The following ZMAT4 variants were observed in gnomAD, a reference collection of about 807,000 sequenced individuals.
The protein encoded by ZMAT4 is zinc finger matrin-type 4, also known as zinc finger matrin-type protein 4.
Under a neutral mutation model 28.7 loss-of-function variants are expected in ZMAT4, and 17 were observed. The ratio of observed to expected loss-of-function variants is 0.59; its 90% CI spans 0.41 to 0.89. ZMAT4 has a LOEUF of 0.89. ZMAT4 is among the 40% of genes least tolerant of loss of function. The pLI is 0.00. For missense variants in ZMAT4, 240 were observed against 283.8 expected (o/e 0.85, Z 1.11); for synonymous variants, 117 against 109.2 (o/e 1.07, Z -0.44).
At chr8:40,715,293 T>A (rs1437432201) in intron 3 of ZMAT4, among the ~76,000 whole-genome samples, 3 of 151,678 alleles carry the variant, frequency 2.0e-5, no homozygotes, top group Non-Finnish European at 4.4e-5. Flanking sequence ...GATGGGGAAA[T>A]GATAACTACC....
intron 6 of ZMAT4, among the ~76,000 whole-genome samples, chr8:40,548,701 G>A (rs1803274589): frequency 1.3e-5 from 2 of 152,078 alleles, no homozygotes. Context: ...ACATCTGCTT[G>A]AAATGCAGTA....
chr8:40,845,667 A>G lies in ZMAT4; in HGVS notation c.-4-19987T>C, dbSNP rs149833337. Among the ~76,000 whole-genome samples, 145 of 152,026 alleles carry G rather than the reference A, an allele frequency of 9.5e-4. 2 individuals carry two copies. Among genetic ancestry groups the G allele is most frequent in the African/African-American group, 3.3e-3 (135 of 41,486 alleles). On this transcript the variant is annotated intron_variant, in intron 1 of 6. Transcript: ENST00000297737. ...AGAACCCCAAGAGACCACTGGGAAG[A>G]CACAGTGAAAACCTGTGTTTGCTGT...
intron 5 of ZMAT4, among the ~76,000 whole-genome samples, chr8:40,666,443 AT>A (rs1293857247): frequency 6.6e-6 from 1 of 152,166 alleles, no homozygotes; most frequent in Admixed American, 6.5e-5. Flanking sequence ...ATCTATAAAA[AT>A]AATTTTATTT....
intron 1 of ZMAT4, among the ~76,000 whole-genome samples, chr8:40,837,482 G>A (rs1203293372): frequency 6.6e-6 from 1 of 152,164 alleles, no homozygotes; most frequent in African/African-American, 2.4e-5. Flanking sequence ...AACTCTACTT[G>A]AACCTGAGTC....
At chr8:40,602,207 G>A (rs1482860001) in intron 5 of ZMAT4, among the ~76,000 whole-genome samples, 1 of 152,138 alleles carries the variant, frequency 6.6e-6, no homozygotes, top group Non-Finnish European at 1.5e-5. Context: ...TCGTTTTTAT[G>A]GCTGAGTAGT....
At chr8:40,627,111 A>G (rs929105608) in intron 5 of ZMAT4, among the ~76,000 whole-genome samples, 2 of 152,164 alleles carry the variant, frequency 1.3e-5, no homozygotes, top group Non-Finnish European at 1.5e-5. Flanking sequence ...TCAGCAAATG[A>G]TTATTGAACC....
At chr8:40,861,473 A>G (rs999082888) in intron 1 of ZMAT4, among the ~76,000 whole-genome samples, 1 of 152,228 alleles carries the variant, frequency 6.6e-6, no homozygotes, top group African/African-American at 2.4e-5. Context: ...TAAAAACCCT[A>G]GAAGAAAACC....
chr8:40,875,774 G>A (rs1441951161), intron 1 of ZMAT4, among the ~76,000 whole-genome samples: 1 of 152,130 alleles, frequency 6.6e-6, no homozygotes, highest in African/African-American at 2.4e-5. Context: ...GTAAGACGAT[G>A]GAGGAGGTCA....
rs530247544 is a variant in ZMAT4 at position 40,777,524 on chromosome 8, G to C, written c.103-9794C>G. On this transcript the variant is annotated intron_variant, in intron 2 of 6. Transcript: ENST00000297737. ...TTCCTACCGAAAGCACTGGTGGAGT[G>C]GTGTTAGCTACATCCCTGAGTGTTG... Among the ~76,000 whole-genome samples, 5 of 152,362 alleles carry C rather than the reference G, an allele frequency of 3.3e-5. No individual in the cohort carries two copies. The South Asian group carries it at 6.2e-4, about 19-fold the overall frequency.
At chr8:40,891,049 G>A (rs111647819) in intron 1 of ZMAT4, among the ~76,000 whole-genome samples, 2,902 of 150,966 alleles carry the variant, frequency 0.019, 86 homozygotes, top group Admixed American at 0.082. Flanking sequence ...AATCGAGGGC[G>A]GGGGCTGGAT....
At chr8:40,767,453 G>T (rs756964303) in intron 3 of ZMAT4, among the ~76,000 whole-genome samples, 188 bp downstream of exon 3, 10 of 151,952 alleles carry the variant, frequency 6.6e-5, no homozygotes, top group Non-Finnish European at 1.5e-5. Context: ...AATACTATAT[G>T]GGCAAGTTCT....
intron 6 of ZMAT4, among the ~76,000 whole-genome samples, chr8:40,539,548 T>C (rs1802959927): frequency 6.6e-6 from 1 of 152,266 alleles, no homozygotes; most frequent in African/African-American, 2.4e-5. Context: ...TGGATGTTCA[T>C]GTACATGGTT....
intron 5 of ZMAT4, among the ~76,000 whole-genome samples, chr8:40,590,429 T>A (rs1365502640): frequency 1.3e-5 from 2 of 151,922 alleles, no homozygotes; most frequent in African/African-American, 4.8e-5. Flanking sequence ...TTTAAATACA[T>A]CAAATACTTG....
intron 2 of ZMAT4, among the ~76,000 whole-genome samples, chr8:40,790,164 T>C (rs1814263746): frequency 6.6e-6 from 1 of 152,246 alleles, no homozygotes; most frequent in Admixed American, 6.5e-5. Context: ...AAATACGCTT[T>C]GTTTGTTTTC....
chr8:40,579,767 G>T (rs1194798741), intron 6 of ZMAT4, among the ~76,000 whole-genome samples: 1 of 152,104 alleles, frequency 6.6e-6, no homozygotes, highest in African/African-American at 2.4e-5. Flanking sequence ...AGTGTATAAA[G>T]ACCCAATAAC....
chr8:40,664,240 G>A (rs2118865276), intron 5 of ZMAT4, among the ~76,000 whole-genome samples: 1 of 152,266 alleles, frequency 6.6e-6, no homozygotes, highest in South Asian at 2.1e-4. Context: ...CACTCTGTAG[G>A]AAGCCAGCGA....
chr8:40,862,634 T>G (rs1817542202), intron 1 of ZMAT4, among the ~76,000 whole-genome samples: 1 of 140,234 alleles, frequency 7.1e-6, no homozygotes, highest in African/African-American at 2.7e-5. Flanking sequence ...TGGAATACTA[T>G]GCAGCCATAA....
At chr8:40,569,885 G>T (rs955200484) in intron 6 of ZMAT4, among the ~76,000 whole-genome samples, 4 of 152,154 alleles carry the variant, frequency 2.6e-5, no homozygotes, top group Non-Finnish European at 5.9e-5. Flanking sequence ...CCTTCTGCCA[G>T]CTGGAAAATA....
chr8:40,614,917 C>T (rs1200168964), intron 5 of ZMAT4, among the ~76,000 whole-genome samples: 2 of 152,084 alleles, frequency 1.3e-5, no homozygotes, highest in Non-Finnish European at 2.9e-5. Flanking sequence ...AGCATTTAGC[C>T]CATTTACATT....
Sources: gnomAD v4.1 joint callset for allele counts (sites outside exome capture counted in the v4.1 genomes callset) on GRCh38, gnomAD v4.1.1 for gene constraint, MANE v1.5 for transcripts, NCBI Gene and HGNC (gene_info 2026-07-23, HGNC 2026-07-21) for gene names.